The following ADAMTS19 variants were observed in gnomAD, a reference collection of about 807,000 sequenced individuals.
ADAMTS19 encodes the protein ADAM metallopeptidase with thrombospondin type 1 motif 19.
ADAMTS19 carries 93 observed loss-of-function variants against 153.3 expected under a neutral mutation model. The observed-to-expected ratio is 0.61, with a 90% CI of 0.51 to 0.72. The LOEUF (loss-of-function observed/expected upper bound fraction) is 0.72. Ranked by LOEUF, ADAMTS19 falls within the 30% of genes least tolerant of loss-of-function variation. The pLI, the probability that ADAMTS19 is intolerant of heterozygous loss-of-function variation, is 0.00. For synonymous variants in ADAMTS19, 600 were observed against 556.6 expected (o/e 1.08, Z -1.10); for missense variants, 1,482 against 1,552.1 (o/e 0.95, Z 0.76).
chr5:129,495,678 G>T (rs953696766), intron 2 of ADAMTS19, among the ~76,000 whole-genome samples: 1 of 152,060 alleles, frequency 6.6e-6, no homozygotes, highest in African/African-American at 2.4e-5. Flanking sequence ...TTGATGAATG[G>T]TTCCTTCTTT....
chr5:129,483,276 ATCTC>A (rs1750476881), intron 2 of ADAMTS19, among the ~76,000 whole-genome samples: 1 of 152,194 alleles, frequency 6.6e-6, no homozygotes, highest in Admixed American at 6.5e-5. Context: ...AAGATATTTA[ATCTC>A]TCTGAGTCTC....
chr5:129,698,135 T>G (rs1755648181), intron 19 of ADAMTS19, among the ~76,000 whole-genome samples: 2 of 152,298 alleles, frequency 1.3e-5, no homozygotes, highest in South Asian at 2.1e-4. Flanking sequence ...AGTGAGAAAT[T>G]TTTGCAGCTG....
At chr5:129,585,085 C>A (rs1246695533) in intron 7 of ADAMTS19, among the ~76,000 whole-genome samples, 1 of 152,062 alleles carries the variant, frequency 6.6e-6, no homozygotes, top group Non-Finnish European at 1.5e-5. Flanking sequence ...AAAAGCGTAG[C>A]ATTTGGGGCC....
chr5:129,725,711 T>A (rs1344066294), intron 21 of ADAMTS19, among the ~76,000 whole-genome samples: 21 of 150,894 alleles, frequency 1.4e-4, no homozygotes, highest in Admixed American at 1.4e-3. Context: ...GGAGGGAGAG[T>A]CCCACTTCTG....
intron 8 of ADAMTS19, among the ~76,000 whole-genome samples, chr5:129,615,636 A>T (rs1751485308): frequency 6.6e-6 from 1 of 152,022 alleles, no homozygotes; most frequent in Non-Finnish European, 1.5e-5. Context: ...TAATACACTC[A>T]TAAGAACTAG....
At chr5:129,522,316 T>TACACACACAC (rs1186259435) in intron 3 of ADAMTS19, among the ~76,000 whole-genome samples, 6 of 91,954 alleles carry the variant, frequency 6.5e-5, no homozygotes, top group Non-Finnish European at 1.0e-4. Flanking sequence ...TATATATATA[T>TACACACACAC]ACACACACAC....
Position 129,461,069 on chromosome 5 carries a change from T to C in ADAMTS19, c.92-33T>C. 7.4e-7 allele frequency: 1 copy of C among 1,346,706 alleles called. No individual in the cohort carries two copies. Among genetic ancestry groups the C allele is most frequent in the Non-Finnish European group, 9.5e-7 (1 of 1,054,160 alleles). The allele number at this position is 1,346,706 out of a possible 1,614,324, so 83.4% of individuals were successfully genotyped here. A position where few individuals can be genotyped will look rare whatever the true frequency, so the allele number is the denominator to read the frequency against. ...TTGTGCTACTGGAACCGCGGCACTTTAAGCCCCGCACTTCTGTCTGCCCCG... is the reference window on the plus strand; with the variant it reads ...TTGTGCTACTGGAACCGCGGCACTTCAAGCCCCGCACTTCTGTCTGCCCCG... On this transcript the variant is annotated intron_variant, in intron 1 of 22. Coordinates refer to ENST00000274487, the MANE Select transcript of ADAMTS19 (RefSeq NM_133638.6). The surrounding 1 kb of genome is among the most constrained non-coding windows in gnomAD (Gnocchi z 4.6).
At chr5:129,655,938 T>G (rs1753529833) in intron 14 of ADAMTS19, among the ~76,000 whole-genome samples, 1 of 152,220 alleles carries the variant, frequency 6.6e-6, no homozygotes, top group Admixed American at 6.5e-5. Context: ...CATTAAAAAT[T>G]ATAGATATTT....
chr5:129,597,338 C>G (rs1049856200), intron 8 of ADAMTS19, among the ~76,000 whole-genome samples: 3 of 152,088 alleles, frequency 2.0e-5, no homozygotes, highest in Non-Finnish European at 4.4e-5. Context: ...TAAGTACTCA[C>G]AACAATTTTG....
intron 2 of ADAMTS19, among the ~76,000 whole-genome samples, chr5:129,472,647 A>G (rs1321245374): frequency 1.3e-5 from 2 of 152,114 alleles, no homozygotes; most frequent in Non-Finnish European, 1.5e-5. Context: ...TCTGCTTCCT[A>G]TTCTAGAATC....
chr5:129,529,193 G>T (rs554526545), intron 6 of ADAMTS19, among the ~76,000 whole-genome samples: 1 of 152,068 alleles, frequency 6.6e-6, no homozygotes, highest in African/African-American at 2.4e-5. Context: ...AAATGTAAGT[G>T]AAATAATGAG....
chr5:129,611,562 T>C (rs1043545651), intron 8 of ADAMTS19, among the ~76,000 whole-genome samples: 1 of 152,184 alleles, frequency 6.6e-6, no homozygotes, highest in African/African-American at 2.4e-5. Flanking sequence ...TCCTCATTTA[T>C]TATTTTTGTC....
intron 10 of ADAMTS19, among the ~76,000 whole-genome samples, chr5:129,633,368 T>C (rs2127004906): frequency 6.6e-6 from 1 of 152,284 alleles, no homozygotes; most frequent in Middle Eastern, 3.4e-3. Context: ...AATTGTTTAT[T>C]TACATTTTTA....
intron 8 of ADAMTS19, among the ~76,000 whole-genome samples, chr5:129,610,373 C>A (rs980191332): frequency 1.3e-5 from 2 of 151,964 alleles, no homozygotes; most frequent in Admixed American, 6.6e-5. Flanking sequence ...ATGTGCCATG[C>A]TGGTGTGCTG....
At chr5:129,522,316 T>TATACACACACACACACAC (rs1249492013) in intron 3 of ADAMTS19, among the ~76,000 whole-genome samples, 29 of 91,930 alleles carry the variant, frequency 3.2e-4, no homozygotes, top group African/African-American at 1.4e-3. Flanking sequence ...TATATATATA[T>TATACACACACACACACAC]ACACACACAC....
At chr5:129,660,134 C>A (rs765713166) in intron 15 of ADAMTS19, among the ~76,000 whole-genome samples, 2 of 151,984 alleles carry the variant, frequency 1.3e-5, no homozygotes, top group African/African-American at 4.8e-5. Context: ...TAGGCCTAAG[C>A]AGAATAAAAG....
chr5:129,686,281 G>A (rs2127132409), intron 18 of ADAMTS19, among the ~76,000 whole-genome samples: 1 of 152,138 alleles, frequency 6.6e-6, no homozygotes. Flanking sequence ...TGAAAGTGGT[G>A]GATCATGGAA....
rs1042579039 is a variant in ADAMTS19, at chr5:129,526,818, T to A, written c.1086+362T>A. Among the ~76,000 whole-genome samples the A allele has an allele frequency of 3.3e-5, 5 of 151,326 alleles. No homozygotes were observed. The East Asian group carries it at 5.8e-4, about 18-fold the overall frequency. On this transcript the variant is annotated intron_variant, in intron 4 of 22. Transcript: ENST00000274487. ...CATGTATTTATTTATTTATTTATTT[T>A]TTTGGTACATAGTAGATGTATATAT...
At position 129,701,145 on chromosome 5, in the gene ADAMTS19, G is replaced by T. The variant is rs144404411; in HGVS notation, c.2955-243G>T. ...TGAGATCTGATGGCTTTTATAAAGG[G>T]GCATTCCCCTGCACACACCCTCTCT... On this transcript the variant is annotated intron_variant, in intron 19 of 22. Transcript: ENST00000274487. Among the ~76,000 whole-genome samples the T allele has an allele frequency of 8.7e-4, 131 of 150,566 alleles. 1 individual carries two copies. Among genetic ancestry groups the T allele is most frequent in the African/African-American group, 3.0e-3 (124 of 40,940 alleles).
Sources: gnomAD v4.1 joint callset for allele counts (sites outside exome capture counted in the v4.1 genomes callset) on GRCh38, gnomAD v4.1.1 for gene constraint, Gnocchi (gnomAD v3.1) non-coding constraint, MANE v1.5 for transcripts, NCBI Gene and HGNC (gene_info 2026-07-23, HGNC 2026-07-21) for gene names.